The following NPAS3 variants were observed in gnomAD, a reference collection of about 807,000 sequenced individuals.
NPAS3 encodes neuronal PAS domain-containing protein 3.
Under a neutral mutation model 73.1 loss-of-function variants are expected in NPAS3, and 14 were observed. The observed-to-expected ratio is 0.19, with a 90% CI of 0.13 to 0.30. NPAS3 has a LOEUF of 0.30. Ranked by LOEUF, NPAS3 falls within the 10% of genes least tolerant of loss-of-function variation. The probability of loss-of-function intolerance (pLI) is 1.00; values close to 1 mark genes in which losing one functional copy is unlikely to be tolerated. For synonymous variants in NPAS3, 620 were observed against 541.5 expected (o/e 1.14, Z -2.01); for missense variants, 1,096 against 1,250.0 (o/e 0.88, Z 1.86).
chr14:33,478,193 A>G (rs1205940965), intron 4 of NPAS3, among the ~76,000 whole-genome samples: 2 of 152,188 alleles, frequency 1.3e-5, no homozygotes, highest in Non-Finnish European at 2.9e-5. Flanking sequence ...ATGGATGTGT[A>G]TATTCATGGA....
chr14:33,259,743 G>C (rs151155507), intron 3 of NPAS3, among the ~76,000 whole-genome samples: 79 of 152,270 alleles, frequency 5.2e-4, no homozygotes, highest in Non-Finnish European at 9.8e-4. Context: ...GACACAGCAT[G>C]GTGCTTGTGA....
chr14:33,197,848 T>TG (rs2046431116), intron 2 of NPAS3, among the ~76,000 whole-genome samples: 1 of 152,252 alleles, frequency 6.6e-6, no homozygotes, highest in Non-Finnish European at 1.5e-5. Context: ...GGTGGATTCT[T>TG]GGTCTCACTG....
intron 4 of NPAS3, among the ~76,000 whole-genome samples, chr14:33,511,977 G>A (rs1206528101): frequency 3.3e-5 from 5 of 151,998 alleles, no homozygotes; most frequent in Non-Finnish European, 7.4e-5. Context: ...CAAGCTTCCA[G>A]CTTCTGCTGC....
At chr14:33,270,490 A>C (rs1438191645) in intron 3 of NPAS3, among the ~76,000 whole-genome samples, 2 of 152,132 alleles carry the variant, frequency 1.3e-5, no homozygotes, top group Non-Finnish European at 2.9e-5. Flanking sequence ...TGTAAGAGAG[A>C]GGGAGAAGGA....
chr14:33,038,438 A>G (rs2040241017), intron 1 of NPAS3, among the ~76,000 whole-genome samples: 1 of 152,188 alleles, frequency 6.6e-6, no homozygotes, highest in African/African-American at 2.4e-5. Context: ...AAACAAAAAA[A>G]CAAATATTTC....
chr14:33,198,188 G>C (rs185966744), intron 2 of NPAS3, among the ~76,000 whole-genome samples: 1 of 152,312 alleles, frequency 6.6e-6, no homozygotes, highest in African/African-American at 2.4e-5. Context: ...CCCAAAGAGT[G>C]AGCAACAGCA....
intron 4 of NPAS3, among the ~76,000 whole-genome samples, chr14:33,455,901 C>A (rs936620242): frequency 4.6e-5 from 7 of 152,152 alleles, no homozygotes; most frequent in African/African-American, 1.7e-4. Flanking sequence ...AATGGGAATT[C>A]AAGAAGAAAG....
chr14:33,427,068 A>T (rs558367441), intron 4 of NPAS3, among the ~76,000 whole-genome samples: 1 of 152,176 alleles, frequency 6.6e-6, no homozygotes, highest in Admixed American at 6.5e-5. Context: ...ATAAGATAGA[A>T]CACTGACTTT....
intron 3 of NPAS3, among the ~76,000 whole-genome samples, chr14:33,307,593 A>ATGTGTGTGTGTG (rs10528551): frequency 0.044 from 6,142 of 138,774 alleles, 317 homozygotes; most frequent in East Asian, 0.2. Context: ...TTTTTTTTCA[A>ATGTGTGTGTGTG]TGTGTGTGTG....
chr14:33,563,806 T>C (rs1567008429), intron 5 of NPAS3, among the ~76,000 whole-genome samples: 1 of 152,082 alleles, frequency 6.6e-6, no homozygotes, highest in Non-Finnish European at 1.5e-5. Flanking sequence ...CTAGCTATAA[T>C]GGAACAGGCA....
intron 2 of NPAS3, among the ~76,000 whole-genome samples, chr14:33,080,292 G>C (rs1050361697): frequency 7.9e-5 from 12 of 152,104 alleles, no homozygotes; most frequent in Admixed American, 7.9e-4. Context: ...ATTTTTAGTA[G>C]AGACGGGGTT....
chr14:33,756,465 A>G (rs1183015623), intron 7 of NPAS3, among the ~76,000 whole-genome samples: 1 of 152,248 alleles, frequency 6.6e-6, no homozygotes, highest in African/African-American at 2.4e-5. Flanking sequence ...GCTCAGATGG[A>G]TCAAAATAGC....
intron 4 of NPAS3, among the ~76,000 whole-genome samples, chr14:33,544,079 C>T (rs2054667290): frequency 6.7e-6 from 1 of 150,022 alleles, no homozygotes; most frequent in Non-Finnish European, 1.5e-5. Context: ...GGCACAGAGA[C>T]CACCTCCATA....
chr14:33,260,299 C>G (rs927018739), intron 3 of NPAS3, among the ~76,000 whole-genome samples: 4 of 151,778 alleles, frequency 2.6e-5, no homozygotes, highest in Non-Finnish European at 4.4e-5. Context: ...AAACACATCT[C>G]TAAAAAGAAA....
chr14:33,234,109 A>AT (rs2047947552), intron 3 of NPAS3, among the ~76,000 whole-genome samples: 1 of 152,070 alleles, frequency 6.6e-6, no homozygotes, highest in South Asian at 2.1e-4. Context: ...ATAAAAACCT[A>AT]TTTTTTGGCT....
intron 4 of NPAS3, among the ~76,000 whole-genome samples, chr14:33,492,985 G>A (rs2051977030): frequency 6.6e-6 from 1 of 152,112 alleles, no homozygotes; most frequent in Non-Finnish European, 1.5e-5. Context: ...TCAGCACTCA[G>A]GATATGCATT....
chr14:33,280,478 G>A (rs900195998), intron 3 of NPAS3, among the ~76,000 whole-genome samples: 2 of 152,260 alleles, frequency 1.3e-5, no homozygotes, highest in South Asian at 2.1e-4. Flanking sequence ...AGTTTTGACC[G>A]TGGTTTTGCC....
intron 4 of NPAS3, among the ~76,000 whole-genome samples, chr14:33,456,291 A>C (rs1192890448): frequency 6.6e-6 from 1 of 152,154 alleles, no homozygotes; most frequent in East Asian, 1.9e-4. Context: ...GTGACAATCA[A>C]GTTTGTTATA....
At chr14:33,263,238 T>G (rs1208140474) in intron 3 of NPAS3, among the ~76,000 whole-genome samples, 1 of 152,180 alleles carries the variant, frequency 6.6e-6, no homozygotes, top group Non-Finnish European at 1.5e-5. Flanking sequence ...TCTTCTAGAG[T>G]TTTTATGGTT....
Sources: allele counts gnomAD v4.1 joint callset (sites outside exome capture counted in the v4.1 genomes callset), GRCh38; gene constraint gnomAD v4.1.1; transcripts MANE v1.5; gene names NCBI Gene and HGNC (gene_info 2026-07-23, HGNC 2026-07-21).